Variants in MUC17 observed in about 807,000 individuals in gnomAD.
MUC17 encodes the protein mucin-17.
In MUC17, 190 loss-of-function variants were observed where a neutral mutation model predicts 170.3. That is an observed-to-expected ratio of 1.12 (90% CI 0.99 to 1.26). The LOEUF is 1.26. Among genes scored for constraint, MUC17 ranks in the 50% most tolerant of loss-of-function variants. MUC17 has a pLI of 0.00. For synonymous variants in MUC17, 2,325 were observed against 2,002.5 expected (o/e 1.16, Z -4.30); for missense variants, 6,415 against 5,530.0 (o/e 1.16, Z -5.08).
At chr7:101,021,962 T>C (rs969179151) in intron 1 of MUC17, among the ~76,000 whole-genome samples, 2 of 152,104 alleles carry the variant, frequency 1.3e-5, no homozygotes, top group African/African-American at 4.8e-5. Context: ...CAAAACACAA[T>C]GTCCTGTCTG....
chr7:101,050,452 T>G (rs1395230486), intron 6 of MUC17, 32 bp from the exon 7 acceptor site: 2 of 1,604,980 alleles, frequency 1.2e-6, no homozygotes, highest in Non-Finnish European at 1.7e-6. Context: ...CACCCTATTC[T>G]GACCCCAGGA....
In MUC17 at chr7:101,034,180, G is replaced by A. The variant is rs761045482; in HGVS notation, c.2764G>A (p.Gly922Arg). 3.2e-6 allele frequency: 5 copies of A among 1,585,884 alleles called. No individual in the cohort carries two copies. In the South Asian group the frequency reaches 4.6e-5, roughly 14 times the overall value. ...TSMPTSTPGE[G>R]STPLTSMPDS... ...CATGCCAACCTCAACTCCTGGGGAA[G>A]GAAGCACTCCATTAACAAGTATGCC... is the stretch of plus-strand genomic sequence containing the variant. Residue 922 changes from glycine to arginine, a missense_variant, in exon 3 of 13, where the codon GGA (glycine) becomes AGA (arginine). By Grantham distance (125) the Gly-to-Arg change is moderately radical. Coordinates refer to ENST00000306151, the MANE Select transcript of MUC17 (RefSeq NM_001040105.2).
In MUC17 at chr7:101,040,042, G is replaced by C. The variant is rs776915498; in HGVS notation, c.8626G>C (p.Val2876Leu). The change falls in exon 3 of 13, where the codon GTC (valine) becomes CTC (leucine). Residue 2876 changes from valine (V) to leucine (L), a missense_variant. Transcript: ENST00000306151. ...AAGTACTCTATTAACAAGTATACCT[G>C]TCAGCACCACGCCGGTGGCCAGTTC... ...EGSTLLTSIPVSTTPVASSEA... is the reference protein window; with the variant it reads ...EGSTLLTSIPLSTTPVASSEA... 1.2e-6 allele frequency: 2 copies of C among 1,613,060 alleles called. No individual in the cohort carries two copies. Among genetic ancestry groups the C allele is most frequent in the African/African-American group, 1.3e-5 (1 of 74,816 alleles).
rs749655970 is a variant in MUC17, at chr7:101,039,573, C to A, written c.8157C>A (p.Thr2719=). 10 of 1,612,478 alleles carry A rather than the reference C, an allele frequency of 6.2e-6. No homozygotes were observed. The African/African-American group carries it at 1.2e-4, about 19-fold the overall frequency. Residue 2719 remains threonine (T), a synonymous_variant, in exon 3 of 13, where the codon ACC becomes ACA. Transcript: ENST00000306151. ...ASTLSTTPVD[T]STPVTTSAEA... ...CCCTTTCAACAACTCCTGTTGACAC[C>A]AGCACACCTGTCACCACTTCTGCTG...
rs148277526 is a variant in MUC17, at chr7:101,037,326, T to C, written c.5910T>C (p.Ala1970=). The part of the protein sequence containing the change: ...YSQASSSPTT[A]DGTSMPTPAY... ...AAGCCAGTTCATCTCCTACAACTGC[T>C]GATGGTACCAGCATGCCAACCCCAG... Residue 1970 remains alanine (A), a synonymous_variant, in exon 3 of 13, where the codon GCT becomes GCC. Transcript: ENST00000306151. 2.1e-4 allele frequency: 346 copies of C among 1,613,998 alleles called. No homozygotes were observed. The highest frequency in any genetic ancestry group is 1.2e-3 in the African/African-American group (89 of 74,934).
rs1250892978 is a variant in MUC17 at position 101,035,189 on chromosome 7, C to T, written c.3773C>T (p.Ser1258Phe). ...GTGACCACTTCTGCTGAAACCAGTT[C>T]CTCTCCTACAACCGCTGAAGGTACC... ...TPVTTSAETS[S>F]SPTTAEGTSL... The change falls in exon 3 of 13, where the codon TCC (serine) becomes TTC (phenylalanine). Residue 1258 changes from serine (S) to phenylalanine (F), a missense_variant. Physicochemically the swap from Ser to Phe is radical, Grantham distance 155. Coordinates refer to ENST00000306151, the MANE Select transcript of MUC17 (RefSeq NM_001040105.2). 4 of 1,610,414 alleles carry T rather than the reference C, an allele frequency of 2.5e-6. No individual in the cohort carries two copies. The Admixed American group carries it at 5.0e-5, about 20-fold the overall frequency.
Position 101,058,101 on chromosome 7 carries a change from G to C in MUC17, c.*57G>C. 2 of 1,537,224 alleles carry C rather than the reference G, an allele frequency of 1.3e-6. No individual in the cohort carries two copies. The highest frequency in any genetic ancestry group is 1.7e-5 in the Admixed American group (1 of 59,528). On this transcript the variant is annotated 3_prime_UTR_variant, in exon 13 of 13. Coordinates refer to ENST00000306151, the MANE Select transcript of MUC17 (RefSeq NM_001040105.2). ...GATCCCAGTCCGGCTAAGCTTGGTG[G>C]AGCATTTTCCCATTGAGAGCCTTCC...
In MUC17 at chr7:101,051,632, C is replaced by T. The variant is rs1424388860; in HGVS notation, c.12894C>T (p.Thr4298=). ...TCACAGACATGATGTGTTTCAACAC[C>T]ACTGGCACCCAAGTGCAAAACATTA... ...DICSDMMCFN[T]TGTQVQNITV... Residue 4298 remains threonine, a synonymous_variant, in exon 8 of 13, where the codon ACC becomes ACT. Transcript: ENST00000306151. 11 of 1,612,480 alleles carry T rather than the reference C, an allele frequency of 6.8e-6. No homozygotes were observed. Among genetic ancestry groups the T allele is most frequent in the Non-Finnish European group, 9.3e-6 (11 of 1,179,634 alleles).
chr7:101,051,590 G>A (rs1236334949), intron 7 of MUC17, 23 bp from the exon 8 acceptor site: 2 of 1,612,280 alleles, frequency 1.2e-6, no homozygotes, highest in Non-Finnish European at 1.7e-6. Flanking sequence ...TGTCGTGAGG[G>A]GTTTTATGTG....
In MUC17 at chr7:101,038,842, C is replaced by A. The variant is rs538207288; in HGVS notation, c.7426C>A (p.Leu2476Ile). ...GGTGGTCAGTTCTGAGGCTGGCACC[C>A]TTTCCACAACTCCTGTTGACACCAG... is the stretch of plus-strand genomic sequence containing the variant. Reference protein sequence around the residue: ...TPVVSSEAGTLSTTPVDTSTP... With the variant: ...TPVVSSEAGTISTTPVDTSTP... The change falls in exon 3 of 13, where the codon CTT becomes ATT. Residue 2476 changes from leucine to isoleucine, a missense_variant. Coordinates refer to ENST00000306151, the MANE Select transcript of MUC17 (RefSeq NM_001040105.2). The A allele has an allele frequency of 6.2e-6, 10 of 1,612,760 alleles. No individual in the cohort carries two copies. Among genetic ancestry groups the A allele is most frequent in the African/African-American group, 2.7e-5 (2 of 74,870 alleles).
intron 6 of MUC17, 57 bp from the exon 7 acceptor site, chr7:101,050,427 G>A (rs1794916664): frequency 9.5e-6 from 15 of 1,570,950 alleles, no homozygotes; most frequent in Non-Finnish European, 1.3e-5. Context: ...GCCTGGTACA[G>A]ATTCTAGAGG....
chr7:101,034,804 A>G lies in MUC17; in HGVS notation c.3388A>G (p.Ile1130Val), dbSNP rs1189469135. The change falls in exon 3 of 13, where the codon ATA becomes GTA. Residue 1130 changes from isoleucine (I) to valine (V), a missense_variant. Transcript: ENST00000306151. ...TLSTTPVDTSIPVTTSTEASS... is the reference protein window; with the variant it reads ...TLSTTPVDTSVPVTTSTEASS... ...TTCCACAACTCCTGTCGACACCAGC[A>G]TACCTGTCACCACTTCTACTGAAGC... 3.7e-6 allele frequency: 6 copies of G among 1,603,414 alleles called. No individual in the cohort carries two copies. Among genetic ancestry groups the G allele is most frequent in the Non-Finnish European group, 5.1e-6 (6 of 1,173,958 alleles).
chr7:101,053,273 C>T, intron 10 of MUC17, 66 bp from the exon 11 acceptor site: 9 of 1,580,310 alleles, frequency 5.7e-6, no homozygotes, highest in Non-Finnish European at 7.8e-6. Context: ...GGGGATACAG[C>T]TTGTCCCTGG....
Position 101,033,416 on chromosome 7 carries a change from C to T in MUC17, c.2000C>T (p.Thr667Ile), listed in dbSNP as rs754280331. The T allele has an allele frequency of 6.2e-7, 1 of 1,605,836 alleles. No homozygotes were observed. The highest frequency in any genetic ancestry group is 1.7e-5 in the Admixed American group (1 of 59,102). Residue 667 changes from threonine (T) to isoleucine (I), a missense_variant, in exon 3 of 13, where the codon ACT becomes ATT. Coordinates refer to ENST00000306151, the MANE Select transcript of MUC17 (RefSeq NM_001040105.2). ...CCTGTGACCACTTCAACTGAAGCCA[C>T]TTCATCTTCTACAACTGCGGAAGGT... Reference protein sequence around the residue: ...NTPVTTSTEATSSSTTAEGTS... With the variant: ...NTPVTTSTEAISSSTTAEGTS...
rs558265014 is a variant in MUC17 at position 101,049,504 on chromosome 7, C to T, written c.12722+122C>T. 61 of 1,323,924 alleles carry T rather than the reference C, an allele frequency of 4.6e-5. No individual in the cohort carries two copies. The South Asian group carries it at 5.6e-4, about 12-fold the overall frequency. The allele number at this position is 1,323,924 out of a possible 1,614,324, so 82.0% of individuals were successfully genotyped here. On this transcript the variant is annotated intron_variant, in intron 6 of 12. Transcript: ENST00000306151. ...CCAGGCAGCTATTGCAGAATACCAC[C>T]GATGGGGCGGCTTAAACAACAGAAA...
chr7:101,054,304 G>A (rs756385844), intron 11 of MUC17, among the ~76,000 whole-genome samples: 2 of 152,058 alleles, frequency 1.3e-5, no homozygotes, highest in East Asian at 1.9e-4. Flanking sequence ...ATTAGTGCTC[G>A]GGAGTGGGTG....
rs1794712415 is a variant in MUC17 at position 101,041,764 on chromosome 7, A to G, written c.10348A>G (p.Thr3450Ala). ...AATCGCTGAAGGTACCAGCTTGCCA[A>G]CCTCAACTACTAGTGAAGGAAGCAC... ...PTIAEGTSLP[T>A]STTSEGSTPL... Residue 3450 changes from threonine (T) to alanine (A), a missense_variant, in exon 3 of 13, where the codon ACC becomes GCC. Thr to Ala is a moderately conservative substitution (Grantham distance 58, BLOSUM62 0). Transcript: ENST00000306151. 3 of 1,613,382 alleles carry G rather than the reference A, an allele frequency of 1.9e-6. No individual in the cohort carries two copies. Among genetic ancestry groups the G allele is most frequent in the Non-Finnish European group, 2.5e-6 (3 of 1,179,942 alleles).
rs1210636976 is a variant in MUC17, at chr7:101,053,336, T to C, written c.13266-3T>C. On this transcript the variant is annotated splice_region_variant and splice_polypyrimidine_tract_variant and intron_variant, in intron 10 of 12. Transcript: ENST00000306151. ...GGGGTCTCTCTGATGTTTCCATCAC[T>C]AGGCAAAAGTACAGATTGTCTCAGT... 1 of 1,613,602 alleles carries C rather than the reference T, an allele frequency of 6.2e-7. No homozygotes were observed. The highest frequency in any genetic ancestry group is 8.5e-7 in the Non-Finnish European group (1 of 1,179,516).
In MUC17 at chr7:101,042,795, A is replaced by G. The variant is rs1409009158; in HGVS notation, c.11379A>G (p.Ser3793=). ...MSMTTASEGS[S]SPTTLEGTTT... is the part of the protein sequence containing the mutation. ...TGACCACTGCCTCTGAAGGCAGTTC[A>G]TCTCCTACAACTCTTGAAGGCACCA... Residue 3793 remains serine, a synonymous_variant, in exon 3 of 13, where the codon TCA becomes TCG. Transcript: ENST00000306151. 6.2e-7 allele frequency: 1 copy of G among 1,614,144 alleles called. No homozygotes were observed. Among genetic ancestry groups the G allele is most frequent in the African/African-American group, 1.3e-5 (1 of 75,034 alleles).
Sources: gnomAD v4.1 joint callset for allele counts (sites outside exome capture counted in the v4.1 genomes callset) on GRCh38, gnomAD v4.1.1 for gene constraint, MANE v1.5 for transcripts, NCBI Gene and HGNC (gene_info 2026-07-23, HGNC 2026-07-21) for gene names.